Variants in RERE observed in about 807,000 individuals in gnomAD.
RERE encodes the protein arginine-glutamic acid dipeptide repeats protein.
RERE carries 40 observed loss-of-function variants against 146.1 expected under a neutral mutation model. The ratio of observed to expected loss-of-function variants is 0.27; its 90% confidence interval spans 0.21 to 0.36. RERE has a LOEUF of 0.36. RERE is among the 10% of genes least tolerant of loss of function. The probability of loss-of-function intolerance (pLI) is 1.00; values close to 1 mark genes in which losing one functional copy is unlikely to be tolerated. For missense variants in RERE, 1,933 were observed against 2,138.7 expected (o/e 0.90, Z 1.90); for synonymous variants, 1,003 against 866.0 (o/e 1.16, Z -2.78).
chr1:8,360,581 A>C lies in RERE; in HGVS notation c.2926T>G (p.Ser976Ala). 9 of 1,456,412 alleles carry C rather than the reference A, an allele frequency of 6.2e-6. No homozygotes were observed. The highest frequency in any genetic ancestry group is 8.2e-6 in the Non-Finnish European group (9 of 1,094,284). 90.2% of individuals were successfully genotyped at this position (1,456,412 alleles called of 1,614,324 possible). ...TGAGCCGACGGGGGGTGATGTGTGGACAGGGAGCTCAGGGGCTTCAGGGCT... is the reference window on the plus strand; with the variant it reads ...TGAGCCGACGGGGGGTGATGTGTGGCCAGGGAGCTCAGGGGCTTCAGGGCT... ...PPALKPLSSL[S>A]THHPPSAHPP... Residue 976 changes from serine (S) to alanine (A), a missense_variant, in exon 18 of 23, where the codon TCC becomes GCC. Transcript: ENST00000400908.
chr1:8,369,508 T>TTAA (rs1285019668), intron 12 of RERE, among the ~76,000 whole-genome samples: 22 of 76,898 alleles, frequency 2.9e-4, no homozygotes, highest in African/African-American at 7.6e-4. Context: ...CGCCTTTTAC[T>TTAA]AAAAAAAAAA....
chr1:8,660,921 C>A (rs1638441400), intron 1 of RERE, among the ~76,000 whole-genome samples: 1 of 152,150 alleles, frequency 6.6e-6, no homozygotes, highest in South Asian at 2.1e-4. Flanking sequence ...AAGTGAATGC[C>A]TATTATGTGC....
chr1:8,371,697 C>G (rs1247974356), intron 12 of RERE, among the ~76,000 whole-genome samples: 1 of 152,244 alleles, frequency 6.6e-6, no homozygotes. Context: ...CGTAAGACAT[C>G]AGCACAGGTC....
chr1:8,386,048 T>C (rs1217603291), intron 12 of RERE, among the ~76,000 whole-genome samples: 5 of 86,292 alleles, frequency 5.8e-5, no homozygotes, highest in South Asian at 3.9e-4. Flanking sequence ...TTTTTTTTTT[T>C]CTTGGTTCAC....
At chr1:8,491,489 C>G (rs576521107) in intron 10 of RERE, among the ~76,000 whole-genome samples, 9 of 151,828 alleles carry the variant, frequency 5.9e-5, no homozygotes, top group Admixed American at 5.9e-4. Flanking sequence ...CATGGTAGTG[C>G]ACACCTATGG....
At position 8,773,466 on chromosome 1, in the gene RERE, C is replaced by T. The variant is rs1380700981; in HGVS notation, c.-145+43694G>A. 5.3e-5 allele frequency among the ~76,000 whole-genome samples: 8 copies of T among 152,148 alleles called. 1 individual carries two copies. In the South Asian group the frequency reaches 6.2e-4, roughly 12 times the overall value. ...CCCAGTGCTTTGGGAGGCCAAGGTG[C>T]GCCAATCACTTGAGCTCTGAAGTTC... is the stretch of plus-strand genomic sequence containing the variant. On this transcript the variant is annotated intron_variant, in intron 1 of 22. Transcript: ENST00000400908.
chr1:8,734,054 C>G (rs1228473032), intron 1 of RERE, among the ~76,000 whole-genome samples: 1 of 152,114 alleles, frequency 6.6e-6, no homozygotes, highest in African/African-American at 2.4e-5. Flanking sequence ...TTGCAGTCAG[C>G]CGAAATCGTG....
intron 8 of RERE, among the ~76,000 whole-genome samples, chr1:8,507,606 A>C (rs1274501203): frequency 6.6e-6 from 1 of 151,608 alleles, no homozygotes; most frequent in African/African-American, 2.4e-5. Flanking sequence ...ATGGAGTTTC[A>C]CCATGTTGGC....
chr1:8,579,252 C>T (rs935615798), intron 4 of RERE, among the ~76,000 whole-genome samples: 4 of 132,448 alleles, frequency 3.0e-5, no homozygotes, highest in African/African-American at 8.6e-5. Flanking sequence ...GAAAACGTTC[C>T]TAATCCTCTG....
rs751496233 is a variant in RERE at position 8,356,232 on chromosome 1, C to T, written c.4354G>A (p.Val1452Ile). The T allele has an allele frequency of 1.5e-5, 23 of 1,523,534 alleles. No homozygotes were observed. The highest frequency in any genetic ancestry group is 2.7e-5 in the East Asian group (1 of 37,434). The allele number at this position is 1,523,534 out of a possible 1,614,324, so 94.4% of individuals were successfully genotyped here. ...DPLHQGSAGPVHPLVDPLTAG... is the reference protein window; with the variant it reads ...DPLHQGSAGPIHPLVDPLTAG... ...GTCAGGGGGTCGACCAGCGGGTGAACGGGGCCTGCTGAACCTAAGGAAAGG... is the reference window on the plus strand; with the variant it reads ...GTCAGGGGGTCGACCAGCGGGTGAATGGGGCCTGCTGAACCTAAGGAAAGG... The change falls in exon 21 of 23, where the codon GTT becomes ATT. Residue 1452 changes from valine (V) to isoleucine (I), a missense_variant. By Grantham distance (29) the Val-to-Ile change is conservative. This residue lies in a region of RERE where 133 missense variants were observed against 168.6 expected (regional missense o/e 0.79). Coordinates refer to ENST00000400908, the MANE Select transcript of RERE (RefSeq NM_001042681.2). The surrounding 1 kb of genome is among the most constrained non-coding windows in gnomAD (Gnocchi z 5.2).
chr1:8,786,485 C>G, intron 1 of RERE: 1 of 855,820 alleles, frequency 1.2e-6, no homozygotes, highest in Non-Finnish European at 2.0e-6. Flanking sequence ...TAGATTAGTT[C>G]ATTTACTGAC....
rs1557448198 is a variant in RERE, at chr1:8,635,947, T to TTATC, written c.326-11568_326-11567insGATA. ...TGTATGTCTTCAATTATTATTTTATTTTATCTTATCTTATCTTATCTTATC... is the reference window on the plus strand; with the variant it reads ...TGTATGTCTTCAATTATTATTTTATTTATCTTATCTTATCTTATCTTATCTTATC... On this transcript the variant is annotated intron_variant, in intron 2 of 22. Transcript: ENST00000400908. Among the ~76,000 whole-genome samples the TTATC allele has an allele frequency of 1.1e-3, 117 of 108,416 alleles. 1 individual carries two copies. The East Asian group carries it at 0.015, about 14-fold the overall frequency. The allele number at this position is 108,416 out of a possible 152,430, so 71.1% of individuals were successfully genotyped here. A position where few individuals can be genotyped will look rare whatever the true frequency, so the allele number is the denominator to read the frequency against.
chr1:8,368,483 GA>G (rs70990563), intron 12 of RERE, among the ~76,000 whole-genome samples: 25,948 of 76,366 alleles, frequency 0.34, 3,482 homozygotes, highest in East Asian at 0.76. Context: ...CAAAGAAAAA[GA>G]AAAAAAAAAA....
intron 1 of RERE, among the ~76,000 whole-genome samples, chr1:8,773,586 G>A (rs1454643527): frequency 1.3e-5 from 2 of 152,176 alleles, no homozygotes; most frequent in Non-Finnish European, 2.9e-5. Flanking sequence ...AGCACTTTGG[G>A]AGGCCAGGGT....
At chr1:8,515,208 T>C (rs1231108064) in intron 7 of RERE, among the ~76,000 whole-genome samples, 3 of 152,002 alleles carry the variant, frequency 2.0e-5, no homozygotes, top group African/African-American at 7.2e-5. Flanking sequence ...AAAATGTTTT[T>C]TTAATTAGCT....
intron 12 of RERE, among the ~76,000 whole-genome samples, chr1:8,416,710 T>C (rs1211854407): frequency 6.6e-6 from 1 of 152,146 alleles, no homozygotes; most frequent in African/African-American, 2.4e-5. Flanking sequence ...AATCAAGCCC[T>C]AATAGTGAAA....
At chr1:8,785,374 T>C (rs1234956581) in intron 1 of RERE, among the ~76,000 whole-genome samples, 1 of 152,200 alleles carries the variant, frequency 6.6e-6, no homozygotes, top group Non-Finnish European at 1.5e-5. Flanking sequence ...ATTCAGCATA[T>C]TACTTATCCA....
intron 1 of RERE, among the ~76,000 whole-genome samples, chr1:8,714,527 A>T (rs549997958): frequency 6.6e-6 from 1 of 152,310 alleles, no homozygotes; most frequent in Admixed American, 6.5e-5. Context: ...CACAGCCTCA[A>T]AACATTTACT....
chr1:8,435,050 G>A (rs1360505625), intron 11 of RERE, among the ~76,000 whole-genome samples: 1 of 152,220 alleles, frequency 6.6e-6, no homozygotes, highest in Non-Finnish European at 1.5e-5. Flanking sequence ...GGGGTAACGT[G>A]TTACATAGCG....
Sources: gnomAD v4.1 joint callset for allele counts (sites outside exome capture counted in the v4.1 genomes callset) on GRCh38, gnomAD v4.1.1 for gene constraint, gnomAD v4.1.1 regional missense constraint, Gnocchi (gnomAD v3.1) non-coding constraint, MANE v1.5 for transcripts, NCBI Gene and HGNC (gene_info 2026-07-23, HGNC 2026-07-21) for gene names.